NUP155: variants seen among roughly 807,000 people sequenced by gnomAD.
NUP155 encodes nuclear pore complex protein Nup155.
NUP155 carries 71 observed loss-of-function variants against 180.4 expected under a neutral mutation model. The observed-to-expected ratio is 0.39, with a 90% CI of 0.33 to 0.48. NUP155 has a LOEUF of 0.48. Ranked by LOEUF, NUP155 falls within the 20% of genes least tolerant of loss-of-function variation. The probability of loss-of-function intolerance (pLI) is 0.91; values close to 1 mark genes in which losing one functional copy is unlikely to be tolerated. For synonymous variants in NUP155, 582 were observed against 559.5 expected (o/e 1.04, Z -0.57); for missense variants, 1,553 against 1,648.9 (o/e 0.94, Z 1.01).
At chr5:37,331,335 G>A (rs1214773553) in intron 14 of NUP155, among the ~76,000 whole-genome samples, 1 of 152,150 alleles carries the variant, frequency 6.6e-6, no homozygotes, top group Non-Finnish European at 1.5e-5. Context: ...AGCACTTTAG[G>A]AGGCCGAGGT....
At chr5:37,308,263 T>C (rs1352994295) in intron 24 of NUP155, among the ~76,000 whole-genome samples, 2 of 152,172 alleles carry the variant, frequency 1.3e-5, no homozygotes, top group African/African-American at 2.4e-5. Flanking sequence ...TAAAAAGTTA[T>C]ACATTTCGGC....
At chr5:37,293,140 T>C (rs937014838) in intron 33 of NUP155, 155 bp from the exon 34 acceptor site, 1 of 608,854 alleles carries the variant, frequency 1.6e-6, no homozygotes, top group Non-Finnish European at 2.9e-6. Flanking sequence ...TATCTGATTA[T>C]AGTTAATATT....
intron 1 of NUP155, among the ~76,000 whole-genome samples, chr5:37,368,896 A>G (rs940645610): frequency 2.0e-5 from 3 of 152,220 alleles, no homozygotes; most frequent in African/African-American, 7.2e-5. Flanking sequence ...GCAGATCACC[A>G]TGTTAAATGG....
intron 3 of NUP155, among the ~76,000 whole-genome samples, chr5:37,362,397 T>C (rs1747283380): frequency 6.6e-6 from 1 of 151,942 alleles, no homozygotes; most frequent in South Asian, 2.1e-4. Context: ...CAAGTGATTC[T>C]CCTGCCTCAG....
rs1310158633 is a variant in NUP155, at chr5:37,288,409, G to GTA, written c.*3489_*3490dup. On this transcript the variant is annotated 3_prime_UTR_variant, in exon 35 of 35. Coordinates refer to ENST00000231498, the MANE Select transcript of NUP155 (RefSeq NM_153485.3). ...ACCTAAAGAAACACTAAATGTACATGTACATCAGTCAGTATCTCATAGCAT... is the reference window on the plus strand; with the variant it reads ...ACCTAAAGAAACACTAAATGTACATGTATACATCAGTCAGTATCTCATAGCAT... The GTA allele has an allele frequency of 6.6e-6, 1 of 152,008 alleles. No homozygotes were observed. The highest frequency in any genetic ancestry group is 1.9e-4 in the East Asian group (1 of 5,188). The allele number at this position is 152,008 out of a possible 1,614,324, so 9.4% of individuals were successfully genotyped here.
chr5:37,304,951 T>C, intron 26 of NUP155, 106 bp downstream of exon 26: 2 of 1,520,138 alleles, frequency 1.3e-6, no homozygotes, highest in Non-Finnish European at 1.8e-6. Flanking sequence ...CCTTACATGA[T>C]AACTTCTAAG....
chr5:37,342,423 C>A (rs1223886203), intron 10 of NUP155, 126 bp downstream of exon 10: 12 of 641,104 alleles, frequency 1.9e-5, no homozygotes, highest in Non-Finnish European at 3.0e-5. Context: ...CTTTATTTTA[C>A]AAACTATTTA....
Position 37,289,996 on chromosome 5 carries a change from T to C in NUP155, c.*1904A>G, listed in dbSNP as rs994341676. ...TGACGTTCTGGCATTCTATTAAATATTCTACATTAGAAGATTATAGGGAAA... is the reference window on the plus strand; with the variant it reads ...TGACGTTCTGGCATTCTATTAAATACTCTACATTAGAAGATTATAGGGAAA... On this transcript the variant is annotated 3_prime_UTR_variant, in exon 35 of 35. Transcript: ENST00000231498. The C allele has an allele frequency of 2.0e-5, 3 of 152,324 alleles. No individual in the cohort carries two copies. Among genetic ancestry groups the C allele is most frequent in the East Asian group, 3.9e-4 (2 of 5,186 alleles). 9.4% of individuals were successfully genotyped at this position (152,324 alleles called of 1,614,324 possible).
intron 12 of NUP155, among the ~76,000 whole-genome samples, chr5:37,337,191 G>A (rs1745386897): frequency 6.6e-6 from 1 of 152,104 alleles, no homozygotes; most frequent in South Asian, 2.1e-4. Flanking sequence ...CCTCACCCAG[G>A]AAGACCATAT....
At position 37,337,892 on chromosome 5, in the gene NUP155, T is replaced by C; in HGVS notation, c.1273A>G (p.Asn425Asp). Residue 425 changes from asparagine to aspartate, a missense_variant, in exon 12 of 35, where the codon AAT (asparagine) becomes GAT (aspartate). Physicochemically the swap from Asn to Asp is conservative, Grantham distance 23. Transcript: ENST00000231498. Reference protein sequence around the residue: ...KGILLMAASENEDNDILWCVN... With the variant: ...KGILLMAASEDEDNDILWCVN... ...CACCATAAAATATCATTATCCTCAT[T>C]TTCTGAGGCTGCCATCAATAGAATA... 6.2e-7 allele frequency: 1 copy of C among 1,608,418 alleles called. No homozygotes were observed. Among genetic ancestry groups the C allele is most frequent in the Non-Finnish European group, 8.5e-7 (1 of 1,176,446 alleles).
chr5:37,299,843 G>A (rs1370858638), intron 30 of NUP155, among the ~76,000 whole-genome samples: 1 of 150,728 alleles, frequency 6.6e-6, no homozygotes, highest in Non-Finnish European at 1.5e-5. Context: ...GACCATCCTG[G>A]CCAATATGGT....
At chr5:37,362,494 G>C (rs1399875104) in intron 3 of NUP155, among the ~76,000 whole-genome samples, 1 of 152,030 alleles carries the variant, frequency 6.6e-6, no homozygotes, top group Non-Finnish European at 1.5e-5. Flanking sequence ...CTCCATGTTG[G>C]TCAGGCTGGT....
intron 17 of NUP155, 64 bp from the exon 18 acceptor site, chr5:37,327,840 T>C (rs1744705214): frequency 6.4e-7 from 1 of 1,558,412 alleles, no homozygotes; most frequent in Admixed American, 1.7e-5. Flanking sequence ...AATCTCTTAA[T>C]CTTAATCTTA....
At chr5:37,346,027 C>T (rs1165269101) in intron 9 of NUP155, among the ~76,000 whole-genome samples, 1 of 150,948 alleles carries the variant, frequency 6.6e-6, no homozygotes, top group African/African-American at 2.4e-5. Flanking sequence ...TATGTGTTTT[C>T]AATTGTGTCT....
intron 15 of NUP155, 26 bp downstream of exon 15, chr5:37,330,012 A>C: frequency 6.6e-7 from 1 of 1,523,998 alleles, no homozygotes; most frequent in Non-Finnish European, 9.1e-7. Flanking sequence ...AAAACAAATA[A>C]ATAAACAAGA....
At chr5:37,292,365 G>A (rs1293645056) in intron 34 of NUP155, among the ~76,000 whole-genome samples, 6 of 151,960 alleles carry the variant, frequency 3.9e-5, no homozygotes, top group Non-Finnish European at 7.4e-5. Flanking sequence ...ACAGGTGCCC[G>A]CCACCACGCC....
In NUP155 at chr5:37,349,197, G is replaced by T; in HGVS notation, c.878C>A (p.Thr293Lys). The change falls in exon 8 of 35, where the codon ACA (threonine) becomes AAA (lysine). Residue 293 changes from threonine (T) to lysine (K), a missense_variant. Thr to Lys is a moderately conservative substitution (Grantham distance 78). Transcript: ENST00000231498. ...AIDNSRNILY[T>K]RSEKGVIQVY... ...CTGTATTACTCCTTTCTCAGATCGTGTATATAAAATATTTCTAGAATTATC... is the reference window on the plus strand; with the variant it reads ...CTGTATTACTCCTTTCTCAGATCGTTTATATAAAATATTTCTAGAATTATC... 1 of 757,578 alleles carries T rather than the reference G, an allele frequency of 1.3e-6. No homozygotes were observed. Among genetic ancestry groups the T allele is most frequent in the Non-Finnish European group, 2.1e-6 (1 of 477,382 alleles). The allele number at this position is 757,578 out of a possible 1,614,324, so 46.9% of individuals were successfully genotyped here. A position where few individuals can be genotyped will look rare whatever the true frequency, so the allele number is the denominator to read the frequency against.
At chr5:37,309,530 C>T (rs138293176) in intron 23 of NUP155, 108 of 422,266 alleles carry the variant, frequency 2.6e-4, no homozygotes, top group African/African-American at 2.0e-3. Flanking sequence ...CATTATTGGG[C>T]AGCAGGCAGT....
At chr5:37,338,048 C>T (rs1037575795) in intron 11 of NUP155, 130 bp from the exon 12 acceptor site, 13 of 616,024 alleles carry the variant, frequency 2.1e-5, no homozygotes, top group Non-Finnish European at 3.7e-5. Context: ...GGGCTGGGCA[C>T]GGTGGCTCAT....
Sources: gnomAD v4.1 joint callset for allele counts (sites outside exome capture counted in the v4.1 genomes callset) on GRCh38, gnomAD v4.1.1 for gene constraint, MANE v1.5 for transcripts, NCBI Gene and HGNC (gene_info 2026-07-23, HGNC 2026-07-21) for gene names.